CCDC102B: variants seen among roughly 807,000 people sequenced by gnomAD.
CCDC102B encodes coiled-coil domain-containing protein 102B.
CCDC102B carries 75 observed loss-of-function variants against 57.4 expected under a neutral mutation model. That is an observed-to-expected ratio of 1.31 (90% CI 1.08 to 1.58). The LOEUF (loss-of-function observed/expected upper bound fraction) is 1.58. Among genes scored for constraint, CCDC102B ranks in the 40% most tolerant of loss-of-function variants. The probability of loss-of-function intolerance (pLI) is 0.00; values close to 1 mark genes in which losing one functional copy is unlikely to be tolerated. For synonymous variants in CCDC102B, 206 were observed against 201.9 expected (o/e 1.02, Z -0.17); for missense variants, 636 against 582.6 (o/e 1.09, Z -0.94).
At chr18:68,916,539 G>A (rs531649840) in intron 6 of CCDC102B, among the ~76,000 whole-genome samples, 13 of 152,272 alleles carry the variant, frequency 8.5e-5, no homozygotes, top group African/African-American at 3.1e-4. Context: ...AGGAAGTCAG[G>A]GAAATGTGGA....
intron 2 of CCDC102B, among the ~76,000 whole-genome samples, chr18:68,755,604 A>G (rs2034020933): frequency 1.3e-5 from 2 of 152,156 alleles, no homozygotes; most frequent in Non-Finnish European, 2.9e-5. Context: ...CTTGGAATGA[A>G]ATATGTAAAG....
At chr18:68,775,622 T>C (rs2034784632) in intron 2 of CCDC102B, among the ~76,000 whole-genome samples, 1 of 151,596 alleles carries the variant, frequency 6.6e-6, no homozygotes, top group Non-Finnish European at 1.5e-5. Flanking sequence ...GCTTTCCTTA[T>C]GTGATGCTAG....
chr18:68,782,322 G>T (rs1388791366), intron 2 of CCDC102B, among the ~76,000 whole-genome samples: 1 of 151,630 alleles, frequency 6.6e-6, no homozygotes, highest in Non-Finnish European at 1.5e-5. Context: ...GGAATATAAT[G>T]AAATAAAATC....
chr18:68,747,749 A>G (rs2033678990), intron 2 of CCDC102B, among the ~76,000 whole-genome samples: 1 of 152,130 alleles, frequency 6.6e-6, no homozygotes, highest in Non-Finnish European at 1.5e-5. Flanking sequence ...TGTATATATC[A>G]CATTTTTTCC....
At chr18:68,865,949 ATGTC>A (rs1326822319) in intron 4 of CCDC102B, among the ~76,000 whole-genome samples, 19 of 152,298 alleles carry the variant, frequency 1.2e-4, no homozygotes, top group African/African-American at 4.3e-4. Flanking sequence ...AACTTCTTCC[ATGTC>A]TATCTAACAT....
At chr18:68,810,769 C>T (rs1261403944) in intron 1 of CCDC102B, among the ~76,000 whole-genome samples, 1 of 140,752 alleles carries the variant, frequency 7.1e-6, no homozygotes, top group Non-Finnish European at 1.5e-5. Flanking sequence ...TATACACGTG[C>T]CATGGTGGTT....
chr18:68,735,665 A>T (rs1002312540), intron 2 of CCDC102B, among the ~76,000 whole-genome samples: 1 of 152,056 alleles, frequency 6.6e-6, no homozygotes, highest in East Asian at 1.9e-4. Flanking sequence ...CACACCCGTG[A>T]CTCTGCTGAA....
intron 6 of CCDC102B, among the ~76,000 whole-genome samples, chr18:69,010,656 G>A (rs2051489421): frequency 6.6e-6 from 1 of 152,048 alleles, no homozygotes; most frequent in Non-Finnish European, 1.5e-5. Context: ...ATTTCCTTTT[G>A]GGGGAAGGTT....
In CCDC102B at chr18:69,010,940, C is replaced by A. The variant is rs1240233377; in HGVS notation, c.1270C>A (p.Leu424Met). The change falls in exon 7 of 8, where the codon CTG becomes ATG. Residue 424 changes from leucine to methionine, a missense_variant. Coordinates refer to ENST00000360242, the MANE Select transcript of CCDC102B (RefSeq NM_024781.3). The stretch of plus-strand genomic sequence containing the variant: ...TTTTGTTTTCCTTTGAAAGGAATTA[C>A]TGAACCTTCAACATGCCTACTATAA... ...IDLQEKNQEL[L>M]NLQHAYYKLN... 2 of 1,585,958 alleles carry A rather than the reference C, an allele frequency of 1.3e-6. No homozygotes were observed. Among genetic ancestry groups the A allele is most frequent in the African/African-American group, 2.7e-5 (2 of 74,000 alleles).
At chr18:68,921,293 G>C (rs566899772) in intron 6 of CCDC102B, among the ~76,000 whole-genome samples, 1 of 152,234 alleles carries the variant, frequency 6.6e-6, no homozygotes, top group Admixed American at 6.5e-5. Context: ...TCTTATAATA[G>C]TGAATAAGTT....
At chr18:68,871,389 A>G (rs545979140) in intron 4 of CCDC102B, among the ~76,000 whole-genome samples, 34 of 142,246 alleles carry the variant, frequency 2.4e-4, no homozygotes, top group African/African-American at 8.3e-4. Flanking sequence ...CTGTAAGTCC[A>G]CTGCTTTAAA....
At chr18:68,932,736 C>G (rs1466866914) in intron 6 of CCDC102B, among the ~76,000 whole-genome samples, 1 of 151,876 alleles carries the variant, frequency 6.6e-6, no homozygotes, top group Non-Finnish European at 1.5e-5. Context: ...GATCTGTCCT[C>G]AGTTTGAAAC....
chr18:68,878,685 G>A (rs529619926), intron 5 of CCDC102B, among the ~76,000 whole-genome samples: 1 of 152,256 alleles, frequency 6.6e-6, no homozygotes, highest in Admixed American at 6.5e-5. Context: ...CTTAAGCTTG[G>A]ATTCCAGGCT....
At chr18:68,803,104 C>A (rs534999984) in intron 1 of CCDC102B, among the ~76,000 whole-genome samples, 59 of 152,218 alleles carry the variant, frequency 3.9e-4, no homozygotes, top group Middle Eastern at 6.8e-3. Context: ...ATTTTAAAAG[C>A]CTATAAGCGT....
At chr18:68,953,937 A>G (rs2049771899) in intron 6 of CCDC102B, among the ~76,000 whole-genome samples, 1 of 152,112 alleles carries the variant, frequency 6.6e-6, no homozygotes, top group South Asian at 2.1e-4. Context: ...CAGGTAAAAA[A>G]TTGTATAAAC....
At chr18:68,929,524 G>A (rs1318188890) in intron 6 of CCDC102B, among the ~76,000 whole-genome samples, 1 of 151,948 alleles carries the variant, frequency 6.6e-6, no homozygotes, top group Non-Finnish European at 1.5e-5. Context: ...GGCAAAAACA[G>A]GAGGCCTGAG....
chr18:68,940,940 A>C (rs988306819), intron 6 of CCDC102B, among the ~76,000 whole-genome samples: 4 of 151,918 alleles, frequency 2.6e-5, no homozygotes, highest in Non-Finnish European at 5.9e-5. Flanking sequence ...CATGAACCTT[A>C]CTTCAGTTAA....
chr18:68,773,571 T>C (rs1050570420), intron 2 of CCDC102B, among the ~76,000 whole-genome samples: 20 of 152,142 alleles, frequency 1.3e-4, no homozygotes, highest in Non-Finnish European at 2.1e-4. Context: ...TAAATATGAT[T>C]GGTTTTGAAG....
Position 68,838,327 on chromosome 18 carries a change from AT to A in CCDC102B, c.607-378del, listed in dbSNP as rs1290488924. 1.1e-5 allele frequency: 9 copies of A among 791,986 alleles called. 1 individual carries two copies. In the Admixed American group the frequency reaches 5.6e-4, roughly 49 times the overall value. 49.1% of individuals were successfully genotyped at this position (791,986 alleles called of 1,614,324 possible). On this transcript the variant is annotated intron_variant, in intron 2 of 7. Transcript: ENST00000360242. ...TCTTGTCTTTCAAAAATGTTAAAAAATGATTGCTTTGAAACTGTAAGTGTCT... is the reference window on the plus strand; with the variant it reads ...TCTTGTCTTTCAAAAATGTTAAAAAAGATTGCTTTGAAACTGTAAGTGTCT...
Sources: gnomAD v4.1 joint callset for allele counts (sites outside exome capture counted in the v4.1 genomes callset) on GRCh38, gnomAD v4.1.1 for gene constraint, MANE v1.5 for transcripts, NCBI Gene and HGNC (gene_info 2026-07-23, HGNC 2026-07-21) for gene names.